The following SHISA9 variants were observed in gnomAD, a reference collection of about 807,000 sequenced individuals.
SHISA9 encodes the protein protein shisa-9.
A neutral mutation model predicts 38.0 loss-of-function variants in SHISA9; 13 were observed. That is an observed-to-expected ratio of 0.34 (90% confidence interval 0.22 to 0.54). SHISA9 has a LOEUF of 0.54. Among genes scored for constraint, SHISA9 ranks in the 20% least tolerant of loss-of-function variants. The pLI, the probability that SHISA9 is intolerant of heterozygous loss-of-function variation, is 0.91. For missense variants in SHISA9, 538 were observed against 575.8 expected, an observed-to-expected ratio of 0.93 and a Z score of 0.67; for synonymous variants, 275 against 242.0, an observed-to-expected ratio of 1.14 and a Z score of -1.27.
intron 2 of SHISA9, among the ~76,000 whole-genome samples, chr16:12,970,689 T>C (rs1167353727): frequency 2.7e-5 from 4 of 148,986 alleles, no homozygotes; most frequent in Non-Finnish European, 4.4e-5. Context: ...TTGTTGTTGT[T>C]GTTGTTGTAT....
the SHISA9 span, among the ~76,000 whole-genome samples, chr16:13,301,915 A>C: frequency 6.6e-6 from 1 of 152,204 alleles, no homozygotes; most frequent in African/African-American, 2.4e-5. Flanking sequence ...GAACAGGAGA[A>C]AGATAGTTTG....
the SHISA9 span, among the ~76,000 whole-genome samples, chr16:13,246,874 C>T: frequency 5.3e-5 from 8 of 151,730 alleles, no homozygotes; most frequent in Admixed American, 6.6e-5. Context: ...AAATGTTATC[C>T]GTTGCCATCA....
At chr16:13,366,730 G>T in the SHISA9 span, among the ~76,000 whole-genome samples, 2 of 152,114 alleles carry the variant, frequency 1.3e-5, no homozygotes, top group Non-Finnish European at 2.9e-5. Flanking sequence ...ACTCATGCCT[G>T]TTATCCCAGC....
chr16:13,436,083 G>C, the SHISA9 span, among the ~76,000 whole-genome samples: 2 of 152,176 alleles, frequency 1.3e-5, no homozygotes, highest in African/African-American at 4.8e-5. Context: ...TAGTGTCAGA[G>C]GTGTTAGAAC....
chr16:13,140,166 C>T (rs1438630223), intron 2 of SHISA9, among the ~76,000 whole-genome samples: 2 of 120,010 alleles, frequency 1.7e-5, no homozygotes, highest in African/African-American at 3.2e-5. Flanking sequence ...CTCCCCTCCC[C>T]TCCCCTCCCC....
At chr16:13,213,415 T>G (rs1002134770) in intron 4 of SHISA9, 115 bp downstream of exon 4, 1 of 941,230 alleles carries the variant, frequency 1.1e-6, no homozygotes, top group African/African-American at 1.7e-5. Context: ...TGTGTCTGCA[T>G]AGGGTGGCAT....
chr16:12,929,530 A>G (rs1198851508), intron 2 of SHISA9, among the ~76,000 whole-genome samples: 1 of 152,104 alleles, frequency 6.6e-6, no homozygotes, highest in Non-Finnish European at 1.5e-5. Context: ...TCAGCAAACC[A>G]ATGCAGAAAC....
intron 2 of SHISA9, among the ~76,000 whole-genome samples, chr16:13,145,267 G>A (rs779558842): frequency 2.0e-5 from 3 of 152,224 alleles, no homozygotes; most frequent in East Asian, 1.9e-4. Flanking sequence ...GCTCACGCCT[G>A]TAATCCTAGC....
At chr16:12,972,041 T>TGTGTGTGTG (rs2072090710) in intron 2 of SHISA9, among the ~76,000 whole-genome samples, 3 of 142,042 alleles carry the variant, frequency 2.1e-5, no homozygotes, top group Middle Eastern at 3.6e-3. Context: ...CTCTTGGAGT[T>TGTGTGTGTG]TGTGTGTGTG....
intron 4 of SHISA9, among the ~76,000 whole-genome samples, chr16:13,224,879 T>C (rs1049626693): frequency 2.0e-5 from 3 of 152,102 alleles, no homozygotes; most frequent in Admixed American, 6.6e-5. Context: ...GGTCCTGAGA[T>C]GGTGACAAGC....
intron 2 of SHISA9, among the ~76,000 whole-genome samples, chr16:13,032,751 A>G (rs371694507): frequency 6.6e-6 from 1 of 152,280 alleles, no homozygotes; most frequent in East Asian, 1.9e-4. Context: ...ATGACTCTTG[A>G]TTGTTGCAAG....
chr16:13,362,214 CA>C, the SHISA9 span, among the ~76,000 whole-genome samples: 2,404 of 127,462 alleles, frequency 0.019, 28 homozygotes, highest in Non-Finnish European at 0.028. Flanking sequence ...GAACGACAGC[CA>C]AAAAAAAAAA....
chr16:12,923,350 G>A (rs932516266), intron 2 of SHISA9, among the ~76,000 whole-genome samples: 6 of 152,112 alleles, frequency 3.9e-5, no homozygotes, highest in Non-Finnish European at 8.8e-5. Flanking sequence ...CCAATGTGGC[G>A]AAACCGTGTC....
chr16:13,513,945 G>T, the SHISA9 span, among the ~76,000 whole-genome samples: 1 of 152,138 alleles, frequency 6.6e-6, no homozygotes, highest in South Asian at 2.1e-4. Context: ...GTATACCTAT[G>T]TAACAAACCT....
the SHISA9 span, among the ~76,000 whole-genome samples, chr16:13,388,803 T>A: frequency 6.6e-6 from 1 of 152,088 alleles, no homozygotes; most frequent in Non-Finnish European, 1.5e-5. Flanking sequence ...AGAAAGGACC[T>A]CATTCTAGAG....
the SHISA9 span, among the ~76,000 whole-genome samples, chr16:13,289,791 C>T: frequency 6.6e-6 from 1 of 152,088 alleles, no homozygotes; most frequent in South Asian, 2.1e-4. Flanking sequence ...ATGTCTTTTT[C>T]TTTGATCACT....
intron 2 of SHISA9, among the ~76,000 whole-genome samples, chr16:12,987,363 G>C (rs1326494400): frequency 3.9e-5 from 6 of 152,210 alleles, no homozygotes; most frequent in Non-Finnish European, 8.8e-5. Context: ...ATCAATGATA[G>C]ACTGGACAAA....
the SHISA9 span, among the ~76,000 whole-genome samples, chr16:13,549,463 CA>C: frequency 1.3e-5 from 2 of 151,816 alleles, no homozygotes; most frequent in African/African-American, 2.4e-5. Flanking sequence ...TAAAAACAAA[CA>C]AAAAATATAT....
At chr16:13,187,334 T>TTTCTTTTC (rs2050835879) in intron 2 of SHISA9, among the ~76,000 whole-genome samples, 2 of 117,754 alleles carry the variant, frequency 1.7e-5, no homozygotes, top group African/African-American at 6.5e-5. Flanking sequence ...TTTTCTTTTT[T>TTTCTTTTC]TTTTTTTTTT....
Sources: allele counts gnomAD v4.1 joint callset (sites outside exome capture counted in the v4.1 genomes callset), GRCh38; gene constraint gnomAD v4.1.1; transcripts MANE v1.5; gene names NCBI Gene and HGNC (gene_info 2026-07-23, HGNC 2026-07-21).